Variants in NEBL observed in about 807,000 individuals in gnomAD.
The protein encoded by NEBL is LIM and SH3 protein 2.
A neutral mutation model predicts 140.2 loss-of-function variants in NEBL; 122 were observed. That is an observed-to-expected ratio of 0.87 (90% confidence interval 0.75 to 1.01). The LOEUF (loss-of-function observed/expected upper bound fraction) is 1.01, where lower values mean the gene tolerates loss of function less well. NEBL is among the 50% of genes least tolerant of loss of function. The pLI, the probability that NEBL is intolerant of heterozygous loss-of-function variation, is 0.00. For missense variants in NEBL, 1,365 were observed against 1,231.3 expected (o/e 1.11, Z -1.62); for synonymous variants, 436 against 398.9 (o/e 1.09, Z -1.11).
At chr10:21,048,897 T>C (rs1204327784) in intron 2 of NEBL, among the ~76,000 whole-genome samples, 5 of 152,022 alleles carry the variant, frequency 3.3e-5, no homozygotes, top group African/African-American at 9.7e-5. Context: ...TAATCCGAGG[T>C]ACTCAGGAGG....
In NEBL at chr10:20,880,891, T is replaced by C. The variant is rs139809958; in HGVS notation, c.383A>G (p.Gln128Arg). 2.2e-5 allele frequency: 35 copies of C among 1,613,940 alleles called. No homozygotes were observed. The highest frequency in any genetic ancestry group is 3.3e-5 in the Admixed American group (2 of 60,006). ...TQLQSEVAYK[Q>R]KHDAAKGFSD... Reference sequence around the variant, plus strand: ...GAATCCTTTGGCAGCATCATGTTTCTGCTTGTAGGCCACCTGAAAAACACA... The same window carrying C: ...GAATCCTTTGGCAGCATCATGTTTCCGCTTGTAGGCCACCTGAAAAACACA... Residue 128 changes from glutamine (Q) to arginine (R), a missense_variant, in exon 5 of 28, where the codon CAG becomes CGG. By Grantham distance (43) the Gln-to-Arg change is conservative. This residue lies in a region of NEBL where 1,323 missense variants were observed against 1,154.8 expected (regional missense o/e 1.15). Coordinates refer to ENST00000377122, the MANE Select transcript of NEBL (RefSeq NM_006393.3).
intron 3 of NEBL, among the ~76,000 whole-genome samples, chr10:20,991,665 GTA>G (rs1837459542): frequency 6.6e-6 from 1 of 151,426 alleles, no homozygotes; most frequent in Non-Finnish European, 1.5e-5. Context: ...TGTTACATGG[GTA>G]TGTTTCATGA....
chr10:21,012,014 G>C (rs1838359714), intron 3 of NEBL, among the ~76,000 whole-genome samples: 1 of 152,246 alleles, frequency 6.6e-6, no homozygotes, highest in African/African-American at 2.4e-5. Context: ...CTGCCACTGA[G>C]GTGGGAGGAG....
intron 1 of NEBL, among the ~76,000 whole-genome samples, chr10:21,268,959 A>G (rs1272567242): frequency 2.6e-5 from 4 of 152,196 alleles, no homozygotes; most frequent in African/African-American, 9.7e-5. Flanking sequence ...CCTAGAGCAT[A>G]AGTACCTAAG....
intron 4 of NEBL, among the ~76,000 whole-genome samples, chr10:20,886,012 C>T (rs754809108): frequency 4.6e-5 from 7 of 152,126 alleles, no homozygotes; most frequent in Non-Finnish European, 8.8e-5. Context: ...TAACTATGCT[C>T]AGCATTTTTC....
chr10:20,866,870 A>G (rs1333712208), intron 7 of NEBL, among the ~76,000 whole-genome samples: 1 of 152,008 alleles, frequency 6.6e-6, no homozygotes, highest in African/African-American at 2.4e-5. Flanking sequence ...TGAATTATCT[A>G]TTTCACTGAC....
At chr10:21,118,225 T>A (rs1356710799) in intron 2 of NEBL, among the ~76,000 whole-genome samples, 1 of 152,152 alleles carries the variant, frequency 6.6e-6, no homozygotes, top group Non-Finnish European at 1.5e-5. Context: ...TGACAACTTA[T>A]GTTTGTTGTT....
chr10:20,888,195 C>T lies in NEBL; in HGVS notation c.271G>A (p.Gly91Ser), dbSNP rs774428404. 1 of 1,607,104 alleles carries T rather than the reference C, an allele frequency of 6.2e-7. No homozygotes were observed. The highest frequency in any genetic ancestry group is 1.7e-5 in the Admixed American group (1 of 59,594). Residue 91 changes from glycine to serine, a missense_variant, in exon 4 of 28, where the codon GGC becomes AGC. By Grantham distance (56) the Gly-to-Ser change is moderately conservative. This residue lies in a region of NEBL where 1,323 missense variants were observed against 1,154.8 expected (regional missense o/e 1.15). Transcript: ENST00000377122. Reference protein sequence around the residue: ...GAFISEAKYKGTIKADLSNSL... With the variant: ...GAFISEAKYKSTIKADLSNSL... ...TTAGAAAGGTCAGCTTTAATGGTGC[C>T]TTTGTATTTTGCCTGGGGGAAAAAA...
intron 11 of NEBL, among the ~76,000 whole-genome samples, chr10:20,849,197 G>T (rs1339748424): frequency 1.3e-5 from 2 of 151,704 alleles, no homozygotes; most frequent in African/African-American, 4.8e-5. Flanking sequence ...ATCCTGAAAA[G>T]GTAAGAAGGA....
intron 2 of NEBL, among the ~76,000 whole-genome samples, chr10:21,093,651 A>C (rs1837028964): frequency 1.3e-5 from 2 of 152,338 alleles, no homozygotes; most frequent in South Asian, 4.1e-4. Flanking sequence ...AGAACCAAGA[A>C]AAGGAAAAGA....
Position 20,858,356 on chromosome 10 carries a change from A to G in NEBL, c.799-12T>C. On this transcript the variant is annotated splice_polypyrimidine_tract_variant and intron_variant, in intron 8 of 27. Transcript: ENST00000377122. ...TTCTTGTACTTCACCTATGAAAATA[A>G]CATGGAACAAAATACCATCGAGGAG... 1.3e-6 allele frequency: 2 copies of G among 1,544,418 alleles called. No homozygotes were observed. The highest frequency in any genetic ancestry group is 2.2e-5 in the East Asian group (1 of 44,478).
At chr10:21,151,543 C>T (rs924679644) in intron 2 of NEBL, among the ~76,000 whole-genome samples, 35 of 152,152 alleles carry the variant, frequency 2.3e-4, no homozygotes, top group Non-Finnish European at 4.1e-4. Context: ...TCACACATCA[C>T]GTCACTCCTC....
At chr10:21,117,943 A>T (rs1456014565) in intron 2 of NEBL, among the ~76,000 whole-genome samples, 1 of 152,104 alleles carries the variant, frequency 6.6e-6, no homozygotes, top group African/African-American at 2.4e-5. Flanking sequence ...TTTCTTACCT[A>T]CCTCGGGGAT....
At chr10:20,897,343 C>T (rs953438879), upstream of NEBL, 2 of 1,474,002 alleles carry the variant, frequency 1.4e-6, no homozygotes, top group African/African-American at 2.8e-5. Context: ...CTATTTAGCC[C>T]ACACTTCACT....
At chr10:21,133,962 T>TA (rs1293593654) in intron 2 of NEBL, among the ~76,000 whole-genome samples, 1 of 152,162 alleles carries the variant, frequency 6.6e-6, no homozygotes, top group Non-Finnish European at 1.5e-5. Context: ...GTGGCTTACT[T>TA]ACGCCTGTAA....
At chr10:21,128,648 G>A (rs547681492) in intron 2 of NEBL, among the ~76,000 whole-genome samples, 4 of 152,044 alleles carry the variant, frequency 2.6e-5, no homozygotes, top group South Asian at 4.2e-4. Flanking sequence ...TGGAAAGGGC[G>A]AGAGAACAAA....
intron 3 of NEBL, among the ~76,000 whole-genome samples, chr10:21,199,224 G>T (rs1427958379): frequency 2.0e-5 from 3 of 151,694 alleles, no homozygotes; most frequent in East Asian, 2.0e-4. Flanking sequence ...AGATGGGGGG[G>T]GTCTCACTAT....
intron 3 of NEBL, among the ~76,000 whole-genome samples, chr10:20,989,039 A>C (rs1189633204): frequency 1.3e-5 from 2 of 152,254 alleles, no homozygotes; most frequent in African/African-American, 2.4e-5. Flanking sequence ...ATCAGTATGA[A>C]TTTACAGTAA....
intron 18 of NEBL, among the ~76,000 whole-genome samples, chr10:20,825,699 A>G (rs373449187): frequency 1.6e-4 from 24 of 152,064 alleles, no homozygotes; most frequent in African/African-American, 5.3e-4. Flanking sequence ...CTAAATATAC[A>G]TGGGAGAATA....
Sources: gnomAD v4.1 joint callset for allele counts (sites outside exome capture counted in the v4.1 genomes callset) on GRCh38, gnomAD v4.1.1 for gene constraint, gnomAD v4.1.1 regional missense constraint, MANE v1.5 for transcripts, NCBI Gene and HGNC (gene_info 2026-07-23, HGNC 2026-07-21) for gene names.